PROS1: variants seen among roughly 807,000 people sequenced by gnomAD.
The protein encoded by PROS1 is vitamin K-dependent protein S.
Under a neutral mutation model 75.9 loss-of-function variants are expected in PROS1, and 29 were observed. That is an observed-to-expected ratio of 0.38 (90% CI 0.28 to 0.52). The LOEUF (loss-of-function observed/expected upper bound fraction) is 0.52. PROS1 is among the 20% of genes least tolerant of loss of function. PROS1 has a pLI of 0.83. For missense variants in PROS1, 680 were observed against 810.3 expected (o/e 0.84, Z 1.95); for synonymous variants, 245 against 280.6 (o/e 0.87, Z 1.27).
At chr3:93,956,562 AAAC>A (rs1709606226) in intron 1 of PROS1, among the ~76,000 whole-genome samples, 3 of 94,348 alleles carry the variant, frequency 3.2e-5, no homozygotes, top group Non-Finnish European at 7.5e-5. Context: ...ACACACACAC[AAAC>A]ACACACACAC....
At chr3:93,973,338 G>A (rs542021184) in intron 1 of PROS1, among the ~76,000 whole-genome samples, 3 of 152,282 alleles carry the variant, frequency 2.0e-5, no homozygotes, top group African/African-American at 7.2e-5. Context: ...CTACTCATAA[G>A]CTAGAATCTG....
chr3:93,878,492 T>C (rs972856794), intron 13 of PROS1, among the ~76,000 whole-genome samples: 5 of 152,212 alleles, frequency 3.3e-5, no homozygotes, highest in African/African-American at 1.2e-4. Context: ...CATCAGCTTC[T>C]TGCTGTAACT....
intron 1 of PROS1, among the ~76,000 whole-genome samples, chr3:93,928,011 ATTT>A (rs1196919400): frequency 2.2e-5 from 1 of 44,468 alleles, no homozygotes; most frequent in Non-Finnish European, 3.9e-5. Context: ...ATATATATAT[ATTT>A]TTTTTTTTTT....
intron 1 of PROS1, among the ~76,000 whole-genome samples, chr3:93,954,249 A>G (rs958630212): frequency 2.0e-5 from 3 of 152,200 alleles, no homozygotes; most frequent in African/African-American, 4.8e-5. Flanking sequence ...TGGAACCAAA[A>G]AAGAGCCCGC....
intron 4 of PROS1, among the ~76,000 whole-genome samples, chr3:93,906,602 G>A (rs1198897992): frequency 6.6e-6 from 1 of 152,228 alleles, no homozygotes; most frequent in Admixed American, 6.5e-5. Context: ...CCATGGAGCT[G>A]GTAAAAGCCA....
intron 10 of PROS1, among the ~76,000 whole-genome samples, chr3:93,892,228 G>A (rs1304446878): frequency 6.6e-6 from 1 of 152,062 alleles, no homozygotes; most frequent in African/African-American, 2.4e-5. Context: ...TACTCAGGAG[G>A]GTGAGGCACA....
chr3:93,956,173 T>C (rs1197996660), intron 1 of PROS1, among the ~76,000 whole-genome samples: 1 of 152,198 alleles, frequency 6.6e-6, no homozygotes, highest in Admixed American at 6.5e-5. Context: ...GGTAGGATAG[T>C]AGTATCTTTT....
Position 93,898,462 on chromosome 3 carries a change from G to A in PROS1, c.835C>T (p.Gln279Ter), listed in dbSNP as rs121918475. 6.2e-7 allele frequency: 1 copy of A among 1,612,570 alleles called. No individual in the cohort carries two copies. Among genetic ancestry groups the A allele is most frequent in the Non-Finnish European group, 8.5e-7 (1 of 1,178,902 alleles). Reference sequence around the variant, plus strand: ...AAAATGTTTACCTCACAACTCTTCTGATCTTGGGCAAGTTTGAATCCTTTC... The same window carrying A: ...AAAATGTTTACCTCACAACTCTTCTAATCTTGGGCAAGTTTGAATCCTTTC... ...GKKGFKLAQD[Q>*]KSCEVVSVCL... is the part of the protein sequence containing the mutation. Residue 279 changes from glutamine (Q) to a stop codon, truncating the protein, a stop_gained, in exon 8 of 15, where the codon CAG (glutamine) becomes TAG (stop). Coordinates refer to ENST00000394236, the MANE Select transcript of PROS1 (RefSeq NM_000313.4). LOFTEE classifies it high-confidence loss of function.
intron 3 of PROS1, among the ~76,000 whole-genome samples, chr3:93,920,603 G>A (rs997423471): frequency 1.3e-5 from 2 of 151,934 alleles, no homozygotes; most frequent in African/African-American, 2.4e-5. Flanking sequence ...TAAAAGTAAT[G>A]ACAGGAATAT....
chr3:93,955,057 A>G (rs1053003263), intron 1 of PROS1, among the ~76,000 whole-genome samples: 1 of 152,238 alleles, frequency 6.6e-6, no homozygotes, highest in Non-Finnish European at 1.5e-5. Flanking sequence ...AATGGCAACC[A>G]TTAAAAAGTC....
chr3:93,893,106 C>A lies in PROS1; in HGVS notation c.982G>T (p.Asp328Tyr). ...PEISRFSAEF[D>Y]FRTYDSEGVI... Reference sequence around the variant, plus strand: ...CCTTCTGAATCATATGTCCGGAAATCAAATTCTGCTGAAAATCTAAACAAT... The same window carrying A: ...CCTTCTGAATCATATGTCCGGAAATAAAATTCTGCTGAAAATCTAAACAAT... Residue 328 changes from aspartate (D) to tyrosine (Y), a missense_variant, in exon 10 of 15, where the codon GAT (aspartate) becomes TAT (tyrosine). Coordinates refer to ENST00000394236, the MANE Select transcript of PROS1 (RefSeq NM_000313.4). 6.2e-7 allele frequency: 1 copy of A among 1,613,206 alleles called. No homozygotes were observed. Among genetic ancestry groups the A allele is most frequent in the South Asian group, 1.1e-5 (1 of 90,996 alleles).
intron 4 of PROS1, among the ~76,000 whole-genome samples, chr3:93,908,812 A>T (rs1708713229): frequency 6.6e-6 from 1 of 152,182 alleles, no homozygotes; most frequent in African/African-American, 2.4e-5. Flanking sequence ...AATGTATTCC[A>T]CATAAGTTAC....
chr3:93,916,804 T>G (rs1316862733), intron 3 of PROS1, among the ~76,000 whole-genome samples: 1 of 152,240 alleles, frequency 6.6e-6, no homozygotes, highest in African/African-American at 2.4e-5. Flanking sequence ...TCTTGCTACA[T>G]GTACCTTTAC....
intron 1 of PROS1, among the ~76,000 whole-genome samples, chr3:93,936,534 T>C (rs1466979952): frequency 6.6e-6 from 1 of 152,116 alleles, no homozygotes; most frequent in Non-Finnish European, 1.5e-5. Context: ...CTATCCCCTG[T>C]GCACACACCA....
At chr3:93,950,067 T>G (rs1215775955) in intron 1 of PROS1, among the ~76,000 whole-genome samples, 1 of 152,164 alleles carries the variant, frequency 6.6e-6, no homozygotes, top group Non-Finnish European at 1.5e-5. Context: ...CCCACGCCCA[T>G]AGAGCTTTGC....
At chr3:93,941,257 C>T (rs1709283332) in intron 1 of PROS1, among the ~76,000 whole-genome samples, 1 of 152,078 alleles carries the variant, frequency 6.6e-6, no homozygotes, top group African/African-American at 2.4e-5. Flanking sequence ...AAAAAGACAC[C>T]CTCCTGCTCC....
At chr3:93,939,921 G>A (rs1232600175) in intron 1 of PROS1, among the ~76,000 whole-genome samples, 5 of 152,144 alleles carry the variant, frequency 3.3e-5, no homozygotes, top group African/African-American at 7.2e-5. Context: ...AATAGAGTTA[G>A]AGGCGGCCAA....
At chr3:93,941,619 T>C (rs1473444359) in intron 1 of PROS1, among the ~76,000 whole-genome samples, 1 of 152,178 alleles carries the variant, frequency 6.6e-6, no homozygotes, top group Non-Finnish European at 1.5e-5. Context: ...ACACTAGCTC[T>C]CCCTGACTCA....
chr3:93,938,128 G>A (rs561409687), intron 1 of PROS1, among the ~76,000 whole-genome samples: 8 of 152,292 alleles, frequency 5.3e-5, no homozygotes, highest in Non-Finnish European at 7.3e-5. Flanking sequence ...ATGGCCTGAA[G>A]CAAGTGAAGG....
Sources: allele counts gnomAD v4.1 joint callset (sites outside exome capture counted in the v4.1 genomes callset), GRCh38; gene constraint gnomAD v4.1.1; transcripts MANE v1.5; gene names NCBI Gene and HGNC (gene_info 2026-07-23, HGNC 2026-07-21).